The following LRRTM3 variants were observed in gnomAD, a reference collection of about 807,000 sequenced individuals.
LRRTM3 encodes the protein leucine rich repeat transmembrane neuronal 3.
LRRTM3 carries 24 observed loss-of-function variants against 44.7 expected under a neutral mutation model. That is an observed-to-expected ratio of 0.54 (90% CI 0.39 to 0.76). LRRTM3 has a LOEUF of 0.76. LRRTM3 is among the 30% of genes least tolerant of loss of function. LRRTM3 has a pLI of 0.00. For synonymous variants in LRRTM3, 277 were observed against 278.7 expected (o/e 0.99, Z 0.06); for missense variants, 587 against 702.2 (o/e 0.84, Z 1.85).
intron 2 of LRRTM3, among the ~76,000 whole-genome samples, chr10:66,966,276 C>A (rs933250911): frequency 6.6e-6 from 1 of 152,000 alleles, no homozygotes; most frequent in African/African-American, 2.4e-5. Flanking sequence ...TATGTGTAGA[C>A]AATTAAATTA....
intron 2 of LRRTM3, among the ~76,000 whole-genome samples, chr10:67,073,300 C>T (rs572656958): frequency 3.9e-4 from 59 of 152,306 alleles, no homozygotes; most frequent in African/African-American, 1.4e-3. Flanking sequence ...AAAATTGACT[C>T]TCCCATATTT....
Position 66,926,999 on chromosome 10 carries a change from C to T in LRRTM3, c.83C>T (p.Ser28Phe), listed in dbSNP as rs1475632365. The part of the protein sequence containing the change: ...IAPTVLLTML[S>F]SAERGCPKGC... ...CCCACTGTCTTACTGACAATGCTTT[C>T]TTCTGCCGAACGAGGATGCCCTAAG... The change falls in exon 2 of 3, where the codon TCT becomes TTT. Residue 28 changes from serine to phenylalanine, a missense_variant. Physicochemically the swap from Ser to Phe is radical, Grantham distance 155. Transcript: ENST00000361320. 1 of 1,614,136 alleles carries T rather than the reference C, an allele frequency of 6.2e-7. No individual in the cohort carries two copies. Among genetic ancestry groups the T allele is most frequent in the Admixed American group, 1.7e-5 (1 of 60,004 alleles).
At position 66,928,555 on chromosome 10, in the gene LRRTM3, TTCCCTC is replaced by T. The variant is rs1468674637; in HGVS notation, c.1536+112_1536+117del. 6 of 1,056,264 alleles carry T rather than the reference TTCCCTC, an allele frequency of 5.7e-6. No individual in the cohort carries two copies. In the Admixed American group the frequency reaches 1.1e-4, roughly 20 times the overall value. 65.4% of individuals were successfully genotyped at this position (1,056,264 alleles called of 1,614,324 possible). A position where few individuals can be genotyped will look rare whatever the true frequency, so the allele number is the denominator to read the frequency against. ...AGGGAACGCGATGCCCCCCCTCCCC[TTCCCTC>T]TCCCTCTCACTTTGCTGGCAAGATC... On this transcript the variant is annotated intron_variant, in intron 2 of 2. Coordinates refer to ENST00000361320, the MANE Select transcript of LRRTM3 (RefSeq NM_178011.5).
chr10:66,947,180 G>T (rs1848314831), intron 2 of LRRTM3, among the ~76,000 whole-genome samples: 1 of 152,024 alleles, frequency 6.6e-6, no homozygotes, highest in Non-Finnish European at 1.5e-5. Context: ...AGGTGTTCAT[G>T]CCTAAATCTT....
chr10:67,042,762 T>C (rs1282404596), intron 2 of LRRTM3, among the ~76,000 whole-genome samples: 2 of 152,128 alleles, frequency 1.3e-5, no homozygotes, highest in Non-Finnish European at 2.9e-5. Context: ...TGAAAATGTT[T>C]GCTGGATTCA....
chr10:66,997,086 A>C (rs1045748679), intron 2 of LRRTM3, among the ~76,000 whole-genome samples: 1 of 152,188 alleles, frequency 6.6e-6, no homozygotes, highest in Non-Finnish European at 1.5e-5. Context: ...AAACTTTTAG[A>C]TGTGATGGCA....
At chr10:66,967,983 T>C (rs1350905495) in intron 2 of LRRTM3, among the ~76,000 whole-genome samples, 1 of 152,092 alleles carries the variant, frequency 6.6e-6, no homozygotes, top group African/African-American at 2.4e-5. Context: ...GCTACTGAAT[T>C]GGATTTGTCC....
intron 2 of LRRTM3, among the ~76,000 whole-genome samples, chr10:66,938,212 C>T (rs1343210187): frequency 6.6e-6 from 1 of 152,044 alleles, no homozygotes; most frequent in African/African-American, 2.4e-5. Flanking sequence ...TATGTACACT[C>T]TTCTCATTTA....
intron 2 of LRRTM3, among the ~76,000 whole-genome samples, chr10:67,052,190 A>G (rs1323104125): frequency 6.6e-6 from 1 of 152,184 alleles, no homozygotes; most frequent in Non-Finnish European, 1.5e-5. Flanking sequence ...TATCTGTGGT[A>G]CCAGCCAAAA....
intron 2 of LRRTM3, among the ~76,000 whole-genome samples, chr10:67,077,007 G>T (rs1029078213): frequency 2.0e-5 from 3 of 152,078 alleles, no homozygotes; most frequent in African/African-American, 7.2e-5. Flanking sequence ...CTTGTTTCAG[G>T]CAACGCCCCC....
chr10:67,011,108 T>C (rs540249715), intron 2 of LRRTM3, among the ~76,000 whole-genome samples: 1 of 152,044 alleles, frequency 6.6e-6, no homozygotes, highest in Non-Finnish European at 1.5e-5. Context: ...GGCAGACGGA[T>C]CACGAAGTCA....
chr10:67,046,555 C>A (rs10509278), intron 2 of LRRTM3, among the ~76,000 whole-genome samples: 8,364 of 152,226 alleles, frequency 0.055, 333 homozygotes, highest in South Asian at 0.19. Context: ...CTGGTCAATA[C>A]CTTTTTCTCA....
chr10:67,079,761 T>A (rs182073085), intron 2 of LRRTM3, among the ~76,000 whole-genome samples: 15 of 151,828 alleles, frequency 9.9e-5, no homozygotes, highest in Non-Finnish European at 2.1e-4. Context: ...GGCAGGAGAA[T>A]CTCTTGAACC....
chr10:66,997,279 A>G (rs1200100243), intron 2 of LRRTM3, among the ~76,000 whole-genome samples: 3 of 152,192 alleles, frequency 2.0e-5, no homozygotes, highest in African/African-American at 7.2e-5. Flanking sequence ...GACTGATACA[A>G]TCTCTTATAA....
intron 2 of LRRTM3, among the ~76,000 whole-genome samples, chr10:67,021,518 C>T (rs1402288067): frequency 6.6e-6 from 1 of 151,814 alleles, no homozygotes; most frequent in African/African-American, 2.4e-5. Flanking sequence ...TCCTAGATGT[C>T]TAACAAAAAT....
chr10:66,938,402 G>A (rs562284038), intron 2 of LRRTM3, among the ~76,000 whole-genome samples: 1 of 152,220 alleles, frequency 6.6e-6, no homozygotes, highest in South Asian at 2.1e-4. Flanking sequence ...TTTTATATAT[G>A]TATCTTATTC....
At chr10:67,045,198 G>C (rs1459319002) in intron 2 of LRRTM3, among the ~76,000 whole-genome samples, 1 of 152,138 alleles carries the variant, frequency 6.6e-6, no homozygotes, top group Non-Finnish European at 1.5e-5. Context: ...CAGACTTGTA[G>C]TGGTATTCTT....
At chr10:67,073,709 T>G (rs1289743407) in intron 2 of LRRTM3, among the ~76,000 whole-genome samples, 2 of 150,662 alleles carry the variant, frequency 1.3e-5, no homozygotes, top group East Asian at 3.9e-4. Flanking sequence ...GAACAAAAGA[T>G]CAAAAAAAAT....
chr10:66,958,644 G>A (rs1048620437), intron 2 of LRRTM3, among the ~76,000 whole-genome samples: 2 of 151,948 alleles, frequency 1.3e-5, no homozygotes, highest in Non-Finnish European at 2.9e-5. Context: ...TAACTCAGCC[G>A]GAACCAGAAC....
Sources: allele counts gnomAD v4.1 joint callset (sites outside exome capture counted in the v4.1 genomes callset), GRCh38; gene constraint gnomAD v4.1.1; transcripts MANE v1.5; gene names NCBI Gene and HGNC (gene_info 2026-07-23, HGNC 2026-07-21).